Variants in VSIG4 observed in about 807,000 individuals in gnomAD.
VSIG4 encodes the protein V-set and immunoglobulin domain-containing protein 4.
VSIG4 carries 34 observed loss-of-function variants against 23.4 expected under a neutral mutation model. That is an observed-to-expected ratio of 1.45 (90% CI 1.10 to 1.93). The LOEUF (loss-of-function observed/expected upper bound fraction) is 1.93. Ranked by LOEUF, VSIG4 falls within the 30% of genes most tolerant of loss-of-function variation. VSIG4 has a pLI of 0.00. For missense variants in VSIG4, 433 were observed against 310.8 expected (o/e 1.39, Z -2.96); for synonymous variants, 169 against 120.3 (o/e 1.41, Z -2.65).
At chrX:66,028,932 C>G (rs775056405) in intron 3 of VSIG4, among the ~76,000 whole-genome samples, 1 of 110,844 alleles carries the variant, frequency 9.0e-6, no homozygotes, top group Non-Finnish European at 1.9e-5. Context: ...GGATAATAGG[C>G]GAGAAAACAA....
chrX:66,038,155 T>A (rs766057563), intron 1 of VSIG4, among the ~76,000 whole-genome samples: 15 of 111,668 alleles, frequency 1.3e-4, no homozygotes, highest in African/African-American at 4.9e-4. Flanking sequence ...AAATTTTGAT[T>A]ATCTTGACAT....
rs184223826 is a variant in VSIG4 at position 66,028,326 on chromosome X, G to A, written c.695-214C>T. Among the ~76,000 whole-genome samples, 183 of 111,301 alleles carry A rather than the reference G, an allele frequency of 1.6e-3. 1 individual carries two copies. The highest frequency in any genetic ancestry group is 5.3e-3 in the African/African-American group (163 of 30,610). On this transcript the variant is annotated intron_variant, in intron 3 of 7. Coordinates refer to ENST00000374737, the MANE Select transcript of VSIG4 (RefSeq NM_007268.3). ...TTTTAACCCAGGATTAATAGATCTC[G>A]AAGGAACCTGTAGCTAGAGTTCAGA...
chrX:66,029,567 T>C (rs1020350750), intron 3 of VSIG4, among the ~76,000 whole-genome samples: 4 of 111,467 alleles, frequency 3.6e-5, no homozygotes, highest in Admixed American at 9.5e-5. Flanking sequence ...TAAGAATGTA[T>C]GAACATGGGG....
At chrX:66,033,964 C>T in intron 1 of VSIG4, 134 bp from the exon 2 acceptor site, 1 of 504,128 alleles carries the variant, frequency 2.0e-6, no homozygotes. Context: ...TTTTGTGTAC[C>T]TGTGCCCTTT....
chrX:66,024,206 C>T (rs1221277416), intron 6 of VSIG4, among the ~76,000 whole-genome samples: 1 of 112,295 alleles, frequency 8.9e-6, no homozygotes, highest in Non-Finnish European at 1.9e-5. Context: ...TAGAAACAAG[C>T]ATCCCAATTT....
chrX:66,036,950 T>TGA (rs1391776450), intron 1 of VSIG4, among the ~76,000 whole-genome samples: 1 of 27,358 alleles, frequency 3.7e-5, no homozygotes, highest in African/African-American at 2.1e-4. Flanking sequence ...ATATGATATA[T>TGA]TATATTATAT....
At chrX:66,035,326 C>T (rs368641993) in intron 1 of VSIG4, among the ~76,000 whole-genome samples, 2 of 112,035 alleles carry the variant, frequency 1.8e-5, no homozygotes, top group African/African-American at 3.2e-5. Flanking sequence ...CTCTATTTTC[C>T]TAATTCTATT....
chrX:66,038,216 G>A (rs1366141486), intron 1 of VSIG4, among the ~76,000 whole-genome samples: 2 of 111,518 alleles, frequency 1.8e-5, no homozygotes, highest in Non-Finnish European at 3.8e-5. Context: ...GCCGCTACAG[G>A]GTTTTTAGCA....
At chrX:66,037,014 CATATA>C (rs1356906800) in intron 1 of VSIG4, among the ~76,000 whole-genome samples, 5 of 26,420 alleles carry the variant, frequency 1.9e-4, no homozygotes, top group Non-Finnish European at 2.8e-4. Context: ...TATAATATAT[CATATA>C]ATATAATATA....
At chrX:66,036,796 A>G (rs1304128074) in intron 1 of VSIG4, among the ~76,000 whole-genome samples, 10 of 39,657 alleles carry the variant, frequency 2.5e-4, no homozygotes, top group African/African-American at 1.3e-3. Context: ...ATATAATATA[A>G]TATATTATAT....
At chrX:66,031,952 A>T (rs2085468841) in intron 3 of VSIG4, among the ~76,000 whole-genome samples, 1 of 112,101 alleles carries the variant, frequency 8.9e-6, no homozygotes, top group Non-Finnish European at 1.9e-5. Flanking sequence ...AACAAACAGA[A>T]CACACAAACA....
chrX:66,028,335 T>G lies in VSIG4; in HGVS notation c.695-223A>C, dbSNP rs2085418215. 2.7e-5 allele frequency among the ~76,000 whole-genome samples: 3 copies of G among 111,306 alleles called. No homozygotes were observed. In the Admixed American group the frequency reaches 2.9e-4, roughly 11 times the overall value. ...AGGATTAATAGATCTCGAAGGAACC[T>G]GTAGCTAGAGTTCAGAGAGTCAGTC... On this transcript the variant is annotated intron_variant, in intron 3 of 7. Coordinates refer to ENST00000374737, the MANE Select transcript of VSIG4 (RefSeq NM_007268.3).
chrX:66,034,173 A>G (rs2085504748), intron 1 of VSIG4, among the ~76,000 whole-genome samples: 1 of 112,386 alleles, frequency 8.9e-6, no homozygotes, highest in Non-Finnish European at 1.9e-5. Flanking sequence ...TAGGTGCTCT[A>G]GATATTCTAT....
chrX:66,029,099 T>G (rs1375334600), intron 3 of VSIG4, among the ~76,000 whole-genome samples: 1 of 111,154 alleles, frequency 9.0e-6, no homozygotes, highest in Non-Finnish European at 1.9e-5. Context: ...CATAAGCTTC[T>G]CCCTCTTGCT....
chrX:66,032,828 G>A (rs1023695437), intron 2 of VSIG4, 79 bp from the exon 3 acceptor site: 15 of 1,047,576 alleles, frequency 1.4e-5, no homozygotes, highest in Non-Finnish European at 1.9e-5. Flanking sequence ...TTCTTGTTGG[G>A]CGTAAGGGCA....
At position 66,032,817 on chromosome X, in the gene VSIG4, A is replaced by T; in HGVS notation, c.413-68T>A. 2.7e-6 allele frequency: 3 copies of T among 1,105,560 alleles called. No individual in the cohort carries two copies. The South Asian group carries it at 6.4e-5, about 23-fold the overall frequency. The allele number at this position is 1,105,560 out of a possible 1,213,427, so 91.1% of individuals were successfully genotyped here. A position where few individuals can be genotyped will look rare whatever the true frequency, so the allele number is the denominator to read the frequency against. On this transcript the variant is annotated intron_variant, in intron 2 of 7. Transcript: ENST00000374737. ...GGATATGGGACCAAAAGGCTGAATC[A>T]TTCTTGTTGGGCGTAAGGGCATGCA... is the stretch of plus-strand genomic sequence containing the variant.
chrX:66,037,351 A>T (rs867442339), intron 1 of VSIG4, among the ~76,000 whole-genome samples: 1 of 22,124 alleles, frequency 4.5e-5, no homozygotes, highest in Non-Finnish European at 6.0e-5. Flanking sequence ...ATAATATATA[A>T]TATATATTAT....
intron 3 of VSIG4, 21 bp downstream of exon 3, chrX:66,032,446 AC>A (rs2085474375): frequency 8.3e-7 from 1 of 1,200,356 alleles, no homozygotes; most frequent in East Asian, 3.0e-5. Flanking sequence ...TAAGATGCTC[AC>A]CAGGAAAGAG....
chrX:66,038,884 C>G (rs893057050), intron 1 of VSIG4, among the ~76,000 whole-genome samples: 25 of 111,177 alleles, frequency 2.2e-4, no homozygotes, highest in African/African-American at 8.2e-4. Context: ...CAAGTGACAC[C>G]AAGCTAACAC....
Sources: allele counts gnomAD v4.1 joint callset (sites outside exome capture counted in the v4.1 genomes callset), GRCh38; gene constraint gnomAD v4.1.1; transcripts MANE v1.5; gene names NCBI Gene and HGNC (gene_info 2026-07-23, HGNC 2026-07-21).